FBXL13: variants seen among roughly 807,000 people sequenced by gnomAD.
FBXL13 encodes the protein F-box and leucine rich repeat protein 13.
In FBXL13, 67 loss-of-function variants were observed where a neutral mutation model predicts 83.6. That is an observed-to-expected ratio of 0.80 (90% CI 0.66 to 0.98). FBXL13 has a LOEUF of 0.98. Ranked by LOEUF, FBXL13 falls within the 50% of genes least tolerant of loss-of-function variation. The pLI, the probability that FBXL13 is intolerant of heterozygous loss-of-function variation, is 0.00. For missense variants in FBXL13, 822 were observed against 866.5 expected (o/e 0.95, Z 0.64); for synonymous variants, 272 against 299.5 (o/e 0.91, Z 0.95).
In FBXL13 at chr7:102,949,926, C is replaced by T. The variant is rs540358719; in HGVS notation, c.724+13607G>A. Among the ~76,000 whole-genome samples, 8 of 151,984 alleles carry T rather than the reference C, an allele frequency of 5.3e-5. No homozygotes were observed. The East Asian group carries it at 1.4e-3, about 26-fold the overall frequency. On this transcript the variant is annotated intron_variant, in intron 8 of 19. Coordinates refer to ENST00000313221, the Ensembl canonical transcript of FBXL13. ...TTCAAGACCAGCCTGGCCAACATGGCGAAATCCCGTCTCTACTAAAAGTCC... is the reference window on the plus strand; with the variant it reads ...TTCAAGACCAGCCTGGCCAACATGGTGAAATCCCGTCTCTACTAAAAGTCC...
At chr7:102,873,599 G>A (rs540097956) in intron 16 of FBXL13, among the ~76,000 whole-genome samples, 1 of 152,246 alleles carries the variant, frequency 6.6e-6, no homozygotes, top group East Asian at 1.9e-4. Context: ...TGAGCTTTTC[G>A]GAATATAAAT....
chr7:102,874,110 A>C (rs1367030535), intron 16 of FBXL13, among the ~76,000 whole-genome samples: 1 of 152,250 alleles, frequency 6.6e-6, no homozygotes, highest in African/African-American at 2.4e-5. Context: ...GAGAATGAAC[A>C]TAATTATTAG....
intron 18 of FBXL13, among the ~76,000 whole-genome samples, chr7:102,830,025 A>G (rs1003934799): frequency 2.6e-5 from 4 of 152,172 alleles, no homozygotes; most frequent in South Asian, 4.1e-4. Flanking sequence ...ACTCCTTTGT[A>G]TCAGCGTTCT....
intron 18 of FBXL13, among the ~76,000 whole-genome samples, chr7:102,826,617 C>G (rs1799659715): frequency 6.7e-6 from 1 of 148,882 alleles, no homozygotes; most frequent in Non-Finnish European, 1.5e-5. Flanking sequence ...TCCAGCTACT[C>G]AGGAGGCTGA....
intron 17 of FBXL13, among the ~76,000 whole-genome samples, chr7:102,853,145 C>T (rs6945369): frequency 0.2 from 29,794 of 151,866 alleles, 3,200 homozygotes; most frequent in East Asian, 0.42. Context: ...GGTATATGAA[C>T]GATGCAATGG....
intron 8 of FBXL13, among the ~76,000 whole-genome samples, chr7:102,960,934 A>T (rs2129478742): frequency 1.3e-5 from 2 of 152,186 alleles, no homozygotes; most frequent in East Asian, 3.9e-4. Context: ...CAAGACAGGG[A>T]TGCCCTCTCT....
At chr7:103,021,978 G>A (rs1793234991) in intron 6 of FBXL13, among the ~76,000 whole-genome samples, 1 of 152,146 alleles carries the variant, frequency 6.6e-6, no homozygotes, top group Non-Finnish European at 1.5e-5. Flanking sequence ...TCCCATTACT[G>A]AGTATATACC....
At chr7:102,817,068 T>TA (rs1224185643) in intron 19 of FBXL13, among the ~76,000 whole-genome samples, 1 of 152,228 alleles carries the variant, frequency 6.6e-6, no homozygotes, top group East Asian at 1.9e-4. Context: ...GCAATAAACA[T>TA]ACAACTGCAG....
chr7:102,883,694 G>T lies in FBXL13; in HGVS notation c.1108-9C>A. 1 of 1,518,382 alleles carries T rather than the reference G, an allele frequency of 6.6e-7. No homozygotes were observed. The highest frequency in any genetic ancestry group is 1.2e-5 in the South Asian group (1 of 86,538). The allele number at this position is 1,518,382 out of a possible 1,614,324, so 94.1% of individuals were successfully genotyped here. A position where few individuals can be genotyped will look rare whatever the true frequency, so the allele number is the denominator to read the frequency against. ...CATTTTTCAACTAAAGCCTTTAGAAGAAAAAAATGATTAAATTAATCAAGT... is the reference window on the plus strand; with the variant it reads ...CATTTTTCAACTAAAGCCTTTAGAATAAAAAAATGATTAAATTAATCAAGT... On this transcript the variant is annotated splice_polypyrimidine_tract_variant and intron_variant, in intron 12 of 19. Coordinates refer to ENST00000313221, the Ensembl canonical transcript of FBXL13.
chr7:102,941,861 C>T (rs1821521071), intron 8 of FBXL13, among the ~76,000 whole-genome samples: 1 of 151,834 alleles, frequency 6.6e-6, no homozygotes, highest in Non-Finnish European at 1.5e-5. Context: ...ACAAAGAAAA[C>T]TTGAGAAAAA....
rs149880257 is a variant in FBXL13 at position 102,877,418 on chromosome 7, G to C, written c.1635+49C>G. The C allele has an allele frequency of 2.8e-4, 391 of 1,396,290 alleles. 4 individuals are homozygous for C. The East Asian group carries it at 9.5e-3, about 34-fold the overall frequency. 86.5% of individuals were successfully genotyped at this position (1,396,290 alleles called of 1,614,324 possible). On this transcript the variant is annotated intron_variant, in intron 16 of 19. Transcript: ENST00000313221. ...ATTATTTACAAAATAGCAAATAATT[G>C]TATTATAGAAAACAATAAAAGTCAT...
At chr7:102,918,679 G>A (rs1268001678) in intron 10 of FBXL13, among the ~76,000 whole-genome samples, 2 of 152,098 alleles carry the variant, frequency 1.3e-5, no homozygotes, top group Non-Finnish European at 2.9e-5. Flanking sequence ...TTAGCTGGAT[G>A]TGCCCAGGAG....
At chr7:102,833,121 T>C (rs1282524437) in intron 17 of FBXL13, 147 bp from the exon 19 acceptor site, 1 of 809,456 alleles carries the variant, frequency 1.2e-6, no homozygotes, top group African/African-American at 1.7e-5. Context: ...AAAAAACCCA[T>C]GTTACATCCA....
At chr7:103,025,344 G>T in intron 5 of FBXL13, 114 bp from the exon 7 acceptor site, 1 of 597,384 alleles carries the variant, frequency 1.7e-6, no homozygotes, top group Non-Finnish European at 2.8e-6. Context: ...CATTATTTAT[G>T]ATCGTCATCA....
At chr7:102,837,744 TG>T (rs1306335920) in intron 17 of FBXL13, among the ~76,000 whole-genome samples, 1 of 152,226 alleles carries the variant, frequency 6.6e-6, no homozygotes, top group African/African-American at 2.4e-5. Flanking sequence ...GGTCTCACTA[TG>T]TTGCCCAGGC....
At chr7:103,041,282 G>A (rs1189891903) in intron 2 of FBXL13, among the ~76,000 whole-genome samples, 1 of 152,168 alleles carries the variant, frequency 6.6e-6, no homozygotes, top group East Asian at 1.9e-4. Flanking sequence ...TCAGGAAGAA[G>A]TTGAATCTCT....
At chr7:102,969,498 AAAAG>A (rs1277364080) in intron 6 of FBXL13, among the ~76,000 whole-genome samples, 7 of 152,074 alleles carry the variant, frequency 4.6e-5, no homozygotes, top group African/African-American at 1.7e-4. Flanking sequence ...AAAAAAAAAG[AAAAG>A]AGAGAGAGAG....
chr7:103,029,489 T>C (rs1794281433), intron 2 of FBXL13, 71 bp from the exon 4 acceptor site: 1 of 852,226 alleles, frequency 1.2e-6, no homozygotes, highest in Admixed American at 3.7e-5. Flanking sequence ...CTCTGCAAGA[T>C]ACTCAAGAAA....
chr7:102,827,732 T>A (rs1799983577), intron 18 of FBXL13, among the ~76,000 whole-genome samples: 2 of 152,118 alleles, frequency 1.3e-5, no homozygotes, highest in South Asian at 4.1e-4. Flanking sequence ...TGTGTCCATG[T>A]GTTCTCATTG....
Sources: gnomAD v4.1 joint callset for allele counts (sites outside exome capture counted in the v4.1 genomes callset) on GRCh38, gnomAD v4.1.1 for gene constraint, MANE v1.5 for transcripts, NCBI Gene and HGNC (gene_info 2026-07-23, HGNC 2026-07-21) for gene names.